BRINP2: variants seen among roughly 807,000 people sequenced by gnomAD.
The protein encoded by BRINP2 is BMP/retinoic acid inducible neural specific 2.
In BRINP2, 21 loss-of-function variants were observed where a neutral mutation model predicts 69.2. That is an observed-to-expected ratio of 0.30 (90% CI 0.22 to 0.44). BRINP2 has a LOEUF of 0.44. BRINP2 is among the 20% of genes least tolerant of loss of function. The pLI, the probability that BRINP2 is intolerant of heterozygous loss-of-function variation, is 1.00. For synonymous variants in BRINP2, 380 were observed against 394.1 expected, an observed-to-expected ratio of 0.96 and a Z score of 0.42; for missense variants, 877 against 986.0, an observed-to-expected ratio of 0.89 and a Z score of 1.48.
At chr1:177,267,958 T>C (rs1571943834) in intron 4 of BRINP2, among the ~76,000 whole-genome samples, 2 of 152,306 alleles carry the variant, frequency 1.3e-5, no homozygotes, top group East Asian at 1.9e-4. Flanking sequence ...TTTTTCTGTC[T>C]GGGAGTACAA....
At chr1:177,225,788 G>A (rs1649674036) in intron 1 of BRINP2, among the ~76,000 whole-genome samples, 1 of 152,206 alleles carries the variant, frequency 6.6e-6, no homozygotes, top group Non-Finnish European at 1.5e-5. Context: ...AGAAAGTTTT[G>A]AAACCTGTTT....
At chr1:177,230,528 G>A (rs75359207) in intron 2 of BRINP2, among the ~76,000 whole-genome samples, 2,749 of 152,292 alleles carry the variant, frequency 0.018, 43 homozygotes, top group Non-Finnish European at 0.025. Flanking sequence ...TTAATTTCAT[G>A]AGTTGTAATT....
At chr1:177,229,381 G>T (rs913543173) in intron 1 of BRINP2, among the ~76,000 whole-genome samples, 1 of 152,170 alleles carries the variant, frequency 6.6e-6, no homozygotes, top group African/African-American at 2.4e-5. Flanking sequence ...CCCACAGTCT[G>T]AGGCAACTGC....
intron 6 of BRINP2, among the ~76,000 whole-genome samples, chr1:177,276,758 A>G (rs1278369654): frequency 2.0e-5 from 3 of 152,198 alleles, no homozygotes; most frequent in Non-Finnish European, 4.4e-5. Context: ...GCTTGCACAT[A>G]AGGTTCGCTA....
At chr1:177,259,612 C>G (rs899644213) in intron 4 of BRINP2, among the ~76,000 whole-genome samples, 2 of 152,204 alleles carry the variant, frequency 1.3e-5, no homozygotes, top group African/African-American at 4.8e-5. Flanking sequence ...TTTCTTCTTA[C>G]AGGCTAATAT....
chr1:177,271,244 T>C (rs1032136091), intron 4 of BRINP2, among the ~76,000 whole-genome samples: 6 of 152,244 alleles, frequency 3.9e-5, no homozygotes, highest in Admixed American at 3.9e-4. Context: ...ATTTAACTTA[T>C]CTGAGCCTTG....
intron 2 of BRINP2, among the ~76,000 whole-genome samples, chr1:177,234,179 A>G (rs1486937398): frequency 1.3e-5 from 2 of 152,152 alleles, no homozygotes; most frequent in Non-Finnish European, 2.9e-5. Flanking sequence ...CCCCACTGCA[A>G]TAAACGCTTA....
intron 1 of BRINP2, among the ~76,000 whole-genome samples, chr1:177,205,137 T>C (rs1318212669): frequency 6.6e-6 from 1 of 152,154 alleles, no homozygotes; most frequent in Non-Finnish European, 1.5e-5. Flanking sequence ...TCTTCACCTA[T>C]ACTTTTTTTG....
intron 1 of BRINP2, among the ~76,000 whole-genome samples, chr1:177,221,838 C>G (rs559807543): frequency 5.3e-5 from 8 of 152,276 alleles, no homozygotes; most frequent in African/African-American, 1.9e-4. Flanking sequence ...ACCGCATAAT[C>G]AATGCACAGA....
intron 1 of BRINP2, among the ~76,000 whole-genome samples, chr1:177,210,235 G>C (rs1465447750): frequency 6.6e-6 from 1 of 152,070 alleles, no homozygotes; most frequent in Non-Finnish European, 1.5e-5. Flanking sequence ...TTTCCCTTGT[G>C]GTGCCATTCT....
At chr1:177,174,273 T>C (rs900669318) in intron 1 of BRINP2, among the ~76,000 whole-genome samples, 4 of 152,204 alleles carry the variant, frequency 2.6e-5, no homozygotes, top group African/African-American at 9.7e-5. Context: ...AGGAATGGTT[T>C]GATTTTAGTA....
At chr1:177,220,722 A>C (rs1334046535) in intron 1 of BRINP2, among the ~76,000 whole-genome samples, 1 of 152,162 alleles carries the variant, frequency 6.6e-6, no homozygotes, top group Admixed American at 6.5e-5. Context: ...GCAGAAAGGA[A>C]GGGGATGAGG....
At chr1:177,181,887 C>G (rs915242329) in intron 1 of BRINP2, among the ~76,000 whole-genome samples, 2 of 152,202 alleles carry the variant, frequency 1.3e-5, no homozygotes, top group Non-Finnish European at 2.9e-5. Context: ...TACAAGCCCC[C>G]GGCCGCAGAG....
intron 1 of BRINP2, among the ~76,000 whole-genome samples, chr1:177,198,321 G>T (rs1211494040): frequency 6.6e-6 from 1 of 152,206 alleles, no homozygotes; most frequent in Non-Finnish European, 1.5e-5. Context: ...AGCAGAACTG[G>T]AGAGGAAAGG....
In BRINP2 at chr1:177,257,168, C is replaced by G; in HGVS notation, c.461-8C>G. 1.2e-6 allele frequency: 2 copies of G among 1,613,764 alleles called. No homozygotes were observed. Among genetic ancestry groups the G allele is most frequent in the Non-Finnish European group, 1.7e-6 (2 of 1,179,878 alleles). On this transcript the variant is annotated splice_polypyrimidine_tract_variant and splice_region_variant and intron_variant, in intron 3 of 7. Coordinates refer to ENST00000361539, the MANE Select transcript of BRINP2 (RefSeq NM_021165.4). The stretch of plus-strand genomic sequence containing the variant: ...GCGTCACCAATACACTCGTGTTGTT[C>G]ACCATAGGAGAAGAGTCCCTGACCA...
intron 1 of BRINP2, among the ~76,000 whole-genome samples, chr1:177,210,474 G>A (rs1649191307): frequency 6.6e-6 from 1 of 152,068 alleles, no homozygotes; most frequent in South Asian, 2.1e-4. Context: ...TAGGAATGGA[G>A]TGAGCAATGT....
At position 177,186,664 on chromosome 1, in the gene BRINP2, C is replaced by CA. The variant is rs551111242; in HGVS notation, c.-77+14936dup. On this transcript the variant is annotated intron_variant, in intron 1 of 7. Transcript: ENST00000361539. ...TGGCTTCCAGATCCTGGATCTCTTC[C>CA]AAAATGCATGTGGGATTTGGGTCAC... Among the ~76,000 whole-genome samples the CA allele has an allele frequency of 2.6e-3, 401 of 152,098 alleles. 4 individuals are homozygous for CA. Among genetic ancestry groups the CA allele is most frequent in the African/African-American group, 9.4e-3 (392 of 41,496 alleles).
chr1:177,237,979 C>T (rs1486807795), intron 2 of BRINP2, among the ~76,000 whole-genome samples: 4 of 152,182 alleles, frequency 2.6e-5, no homozygotes, highest in Non-Finnish European at 5.9e-5. Context: ...CCCAGAGCTT[C>T]CCACATATCC....
intron 6 of BRINP2, among the ~76,000 whole-genome samples, chr1:177,277,267 A>G (rs1651530367): frequency 6.6e-6 from 1 of 151,964 alleles, no homozygotes; most frequent in South Asian, 2.1e-4. Flanking sequence ...AATACATGGT[A>G]TTTTTATGGA....
Sources: allele counts gnomAD v4.1 joint callset (sites outside exome capture counted in the v4.1 genomes callset), GRCh38; gene constraint gnomAD v4.1.1; transcripts MANE v1.5; gene names NCBI Gene and HGNC (gene_info 2026-07-23, HGNC 2026-07-21).